The following MAP9 variants were observed in gnomAD, a reference collection of about 807,000 sequenced individuals.
MAP9 encodes the protein microtubule-associated protein 9.
A neutral mutation model predicts 75.2 loss-of-function variants in MAP9; 80 were observed. That is an observed-to-expected ratio of 1.06 (90% CI 0.89 to 1.28). The LOEUF (loss-of-function observed/expected upper bound fraction) is 1.28, where lower values mean the gene tolerates loss of function less well. Among genes scored for constraint, MAP9 ranks in the 50% most tolerant of loss-of-function variants. The pLI is 0.00. For synonymous variants in MAP9, 235 were observed against 237.3 expected (o/e 0.99, Z 0.09); for missense variants, 753 against 719.9 (o/e 1.05, Z -0.53).
chr4:155,353,093 A>T (rs1202270166), intron 11 of MAP9, 36 bp from the exon 12 acceptor site: 3 of 1,534,864 alleles, frequency 2.0e-6, no homozygotes, highest in Non-Finnish European at 1.8e-6. Context: ...TACTGTGAAT[A>T]TTTGAAAATA....
chr4:155,354,997 G>A, intron 10 of MAP9, 74 bp downstream of exon 10: 1 of 620,224 alleles, frequency 1.6e-6, no homozygotes, highest in Non-Finnish European at 2.7e-6. Flanking sequence ...AGCTGATTTA[G>A]AAAAGTTATA....
chr4:155,352,922 C>A lies in MAP9; in HGVS notation c.1678G>T (p.Val560Phe). The A allele has an allele frequency of 6.5e-7, 1 of 1,531,480 alleles. No individual in the cohort carries two copies. 94.9% of individuals were successfully genotyped at this position (1,531,480 alleles called of 1,614,324 possible). Residue 560 changes from valine (V) to phenylalanine (F), a missense_variant, in exon 12 of 14, where the codon GTT (valine) becomes TTT (phenylalanine). Transcript: ENST00000311277. ...AEKKKDNLTA[V>F]EKWNEKKEAF... Reference sequence around the variant, plus strand: ...ATGATTTTGGATTACCATTTCTCAACAGCAGTTAAATTATCTTTCTTTTTC... The same window carrying A: ...ATGATTTTGGATTACCATTTCTCAAAAGCAGTTAAATTATCTTTCTTTTTC...
rs765815198 is a variant in MAP9 at position 155,376,874 on chromosome 4, G to C, written c.-168C>G. The C allele has an allele frequency of 3.3e-5, 5 of 152,720 alleles. No homozygotes were observed. Among genetic ancestry groups the C allele is most frequent in the Non-Finnish European group, 7.3e-5 (5 of 68,174 alleles). 9.5% of individuals were successfully genotyped at this position (152,720 alleles called of 1,614,324 possible). A position where few individuals can be genotyped will look rare whatever the true frequency, so the allele number is the denominator to read the frequency against. Reference sequence around the variant, plus strand: ...GCGGTTGCTAGGAAACAGCGTCTTCGGGAGGAAGTGACTTCCCCACCGCCG... The same window carrying C: ...GCGGTTGCTAGGAAACAGCGTCTTCCGGAGGAAGTGACTTCCCCACCGCCG... On this transcript the variant is annotated 5_prime_UTR_variant, in exon 1 of 14. Coordinates refer to ENST00000311277, the MANE Select transcript of MAP9 (RefSeq NM_001039580.2).
Position 155,347,853 on chromosome 4 carries a change from G to A in MAP9, c.1874C>T (p.Ser625Phe). 1 of 1,600,354 alleles carries A rather than the reference G, an allele frequency of 6.2e-7. No homozygotes were observed. Among genetic ancestry groups the A allele is most frequent in the Non-Finnish European group, 8.5e-7 (1 of 1,169,886 alleles). ...AGGAAGTGCCTCACTTTCAAGAAAGGAATGACGTTTCTTCTGTTTTCGTTC... is the reference window on the plus strand; with the variant it reads ...AGGAAGTGCCTCACTTTCAAGAAAGAAATGACGTTTCTTCTGTTTTCGTTC... ...RIERKQKKRHSFLESEALPPW... is the reference protein window; with the variant it reads ...RIERKQKKRHFFLESEALPPW... The change falls in exon 14 of 14, where the codon TCC becomes TTC. Residue 625 changes from serine (S) to phenylalanine (F), a missense_variant. Ser to Phe is a radical substitution (Grantham distance 155). Transcript: ENST00000311277.
At chr4:155,375,543 C>T (rs1283973965) in intron 2 of MAP9, among the ~76,000 whole-genome samples, 1 of 152,020 alleles carries the variant, frequency 6.6e-6, no homozygotes, top group African/African-American at 2.4e-5. Flanking sequence ...TTTAAGGTTG[C>T]GATTCAACTT....
intron 5 of MAP9, among the ~76,000 whole-genome samples, chr4:155,365,685 T>C (rs1008321042): frequency 6.6e-6 from 1 of 152,028 alleles, no homozygotes; most frequent in Non-Finnish European, 1.5e-5. Flanking sequence ...AAAATTAACT[T>C]ATAATTAACA....
At chr4:155,357,166 A>C in intron 8 of MAP9, 1 of 314,172 alleles carries the variant, frequency 3.2e-6, no homozygotes, top group Non-Finnish European at 5.8e-6. Flanking sequence ...ATTAAGAAAG[A>C]AGAAAAATAT....
rs1479817942 is a variant in MAP9 at position 155,349,543 on chromosome 4, A to G, written c.1822-1638T>C. On this transcript the variant is annotated intron_variant, in intron 13 of 13. Transcript: ENST00000311277. ...AGGACAAGCTTTCCATTCACATGTA[A>G]CAAACAAAGTGAAGTGGGAGGTTTG... 3.3e-5 allele frequency: 5 copies of G among 152,162 alleles called. No homozygotes were observed. In the East Asian group the frequency reaches 9.7e-4, roughly 29 times the overall value. 9.4% of individuals were successfully genotyped at this position (152,162 alleles called of 1,614,324 possible). A position where few individuals can be genotyped will look rare whatever the true frequency, so the allele number is the denominator to read the frequency against.
intron 13 of MAP9, among the ~76,000 whole-genome samples, chr4:155,349,159 C>T (rs1464030333): frequency 3.1e-5 from 1 of 32,002 alleles, no homozygotes; most frequent in Non-Finnish European, 6.7e-5. Flanking sequence ...TGATAAATAT[C>T]GGGGAAGAGC....
Position 155,368,620 on chromosome 4 carries a change from T to C in MAP9, c.674A>G (p.Glu225Gly). 6.2e-7 allele frequency: 1 copy of C among 1,614,206 alleles called. No individual in the cohort carries two copies. The highest frequency in any genetic ancestry group is 1.1e-5 in the South Asian group (1 of 91,090). The change falls in exon 5 of 14, where the codon GAG (glutamate) becomes GGG (glycine). Residue 225 changes from glutamate (E) to glycine (G), a missense_variant. Physicochemically the swap from Glu to Gly is moderately conservative, Grantham distance 98. Coordinates refer to ENST00000311277, the MANE Select transcript of MAP9 (RefSeq NM_001039580.2). ...AAGGTTTTCAGAGAATGCTTTTTTC[T>C]CAGCTTCTAATTGTATGCCATTCGG... Reference protein sequence around the residue: ...PTPNGIQLEAEKKAFSENLDP... With the variant: ...PTPNGIQLEAGKKAFSENLDP...
At chr4:155,367,063 A>C (rs72694405) in intron 5 of MAP9, among the ~76,000 whole-genome samples, 9,802 of 152,276 alleles carry the variant, frequency 0.064, 375 homozygotes, top group Middle Eastern at 0.13. Flanking sequence ...ATGACTAACC[A>C]GAGTTTATCC....
At chr4:155,360,437 G>A (rs1732019534) in intron 6 of MAP9, 22 bp from the exon 7 acceptor site, 1 of 1,592,320 alleles carries the variant, frequency 6.3e-7, no homozygotes. Context: ...CAGAGTAATA[G>A]CATTAAAACC....
In MAP9 at chr4:155,368,781, G is replaced by A. The variant is rs754243192; in HGVS notation, c.513C>T (p.His171=). The change falls in exon 5 of 14, where the codon CAC becomes CAT. Residue 171 remains histidine, a synonymous_variant. Transcript: ENST00000311277. ...AENNSLDTDD[H]FKPSPRPRSM... ...TCCTTGGCCGAGGTGATGGTTTAAA[G>A]TGATCATCTGTGTCAAGGCTGTTGT... 2 of 1,612,860 alleles carry A rather than the reference G, an allele frequency of 1.2e-6. No individual in the cohort carries two copies. Among genetic ancestry groups the A allele is most frequent in the Admixed American group, 1.7e-5 (1 of 59,850 alleles).
At chr4:155,352,772 C>T (rs1731576518) in intron 12 of MAP9, 44 bp from the exon 13 acceptor site, 1 of 1,465,992 alleles carries the variant, frequency 6.8e-7, no homozygotes, top group East Asian at 2.4e-5. Context: ...AAGGAAAATA[C>T]ATAATAAAGA....
chr4:155,354,929 A>C (rs1026627529), intron 10 of MAP9, 142 bp downstream of exon 10: 3 of 458,996 alleles, frequency 6.5e-6, no homozygotes, highest in African/African-American at 4.2e-5. Flanking sequence ...TATAAAGTAA[A>C]ACAGAAGTAA....
chr4:155,351,273 A>G (rs1731497726), intron 13 of MAP9: 1 of 151,946 alleles, frequency 6.6e-6, no homozygotes, highest in Non-Finnish European at 1.5e-5. Context: ...TAAAGGATAC[A>G]TTTGGAAAAA....
intron 4 of MAP9, among the ~76,000 whole-genome samples, chr4:155,369,496 GC>G (rs932724145): frequency 1.3e-5 from 2 of 151,292 alleles, no homozygotes; most frequent in Non-Finnish European, 2.9e-5. Context: ...ACAAAATCTT[GC>G]CCCAGTTTCT....
In MAP9 at chr4:155,374,948, C is replaced by T; in HGVS notation, c.149G>A (p.Ser50Asn). 6.3e-7 allele frequency: 1 copy of T among 1,586,568 alleles called. No homozygotes were observed. The highest frequency in any genetic ancestry group is 1.1e-5 in the South Asian group (1 of 89,018). Residue 50 changes from serine to asparagine, a missense_variant, in exon 3 of 14, where the codon AGT becomes AAT. Transcript: ENST00000311277. ...ATACTGTCACATACCAATCTCATCACTGTCAAAGTCATCTGAGTATTCAGA... is the reference window on the plus strand; with the variant it reads ...ATACTGTCACATACCAATCTCATCATTGTCAAAGTCATCTGAGTATTCAGA... ...RSSEYSDDFD[S>N]DEIVSLGDFS... is the part of the protein sequence containing the mutation.
chr4:155,373,362 A>T lies in MAP9; in HGVS notation c.255T>A (p.Asn85Lys), dbSNP rs1375785633. 2 of 1,611,922 alleles carry T rather than the reference A, an allele frequency of 1.2e-6. No individual in the cohort carries two copies. ...TTTTCAAAAACAATAGTTTTGAAGG[A>T]TTCTTTTCTTCATCATCTGATATAT... The part of the protein sequence containing the change: ...DFHISDDEEK[N>K]PSKLLFLKTN... Residue 85 changes from asparagine (N) to lysine (K), a missense_variant, in exon 4 of 14, where the codon AAT becomes AAA. Coordinates refer to ENST00000311277, the MANE Select transcript of MAP9 (RefSeq NM_001039580.2).
Sources: gnomAD v4.1 joint callset for allele counts (sites outside exome capture counted in the v4.1 genomes callset) on GRCh38, gnomAD v4.1.1 for gene constraint, MANE v1.5 for transcripts, NCBI Gene and HGNC (gene_info 2026-07-23, HGNC 2026-07-21) for gene names.